PRR16: variants seen among roughly 807,000 people sequenced by gnomAD.
PRR16 encodes the protein protein Largen.
PRR16 carries 6 observed loss-of-function variants against 18.2 expected under a neutral mutation model. The ratio of observed to expected loss-of-function variants is 0.33; its 90% confidence interval spans 0.18 to 0.65. The LOEUF (loss-of-function observed/expected upper bound fraction) is 0.65, where lower values mean the gene tolerates loss of function less well. PRR16 is among the 30% of genes least tolerant of loss of function. The pLI is 0.74. For synonymous variants in PRR16, 151 were observed against 147.8 expected (o/e 1.02, Z -0.16); for missense variants, 412 against 376.6 (o/e 1.09, Z -0.78).
intron 1 of PRR16, among the ~76,000 whole-genome samples, chr5:120,668,075 T>C (rs376935193): frequency 3.3e-5 from 5 of 152,132 alleles, no homozygotes; most frequent in African/African-American, 1.2e-4. Context: ...CCCACTATTA[T>C]TGTGTGGGAG....
At chr5:120,756,248 G>T in the PRR16 span, among the ~76,000 whole-genome samples, 1 of 152,094 alleles carries the variant, frequency 6.6e-6, no homozygotes, top group Non-Finnish European at 1.5e-5. Flanking sequence ...GTGGGGAGGG[G>T]CTTGCAAAGG....
intron 1 of PRR16, among the ~76,000 whole-genome samples, chr5:120,495,339 T>C (rs1750208064): frequency 6.6e-6 from 1 of 152,122 alleles, no homozygotes; most frequent in Admixed American, 6.5e-5. Flanking sequence ...AGTCTCTTGG[T>C]ATCCATGGAG....
chr5:120,604,994 G>A (rs1001168818), intron 1 of PRR16, among the ~76,000 whole-genome samples: 4 of 152,148 alleles, frequency 2.6e-5, no homozygotes, highest in African/African-American at 9.6e-5. Context: ...CATTGACCTT[G>A]GACAATCTGA....
At chr5:120,733,005 C>A in the PRR16 span, among the ~76,000 whole-genome samples, 1 of 152,072 alleles carries the variant, frequency 6.6e-6, no homozygotes, top group Non-Finnish European at 1.5e-5. Context: ...CTGTTGGAAC[C>A]TGACAAAATG....
At chr5:120,512,418 T>C (rs1277514295) in intron 1 of PRR16, among the ~76,000 whole-genome samples, 1 of 152,090 alleles carries the variant, frequency 6.6e-6, no homozygotes, top group Admixed American at 6.6e-5. Context: ...GCTCTGAGAC[T>C]CTTGCTCTGA....
chr5:120,771,588 A>C, the PRR16 span, among the ~76,000 whole-genome samples: 1 of 152,046 alleles, frequency 6.6e-6, no homozygotes, highest in Non-Finnish European at 1.5e-5. Flanking sequence ...AAACCATAAT[A>C]AAGTCATTTT....
At chr5:120,472,179 A>G (rs1749290915) in intron 1 of PRR16, among the ~76,000 whole-genome samples, 1 of 152,160 alleles carries the variant, frequency 6.6e-6, no homozygotes, top group South Asian at 2.1e-4. Flanking sequence ...TGTTTGGGAC[A>G]CTATAAATAG....
At position 120,659,306 on chromosome 5, in the gene PRR16, C is replaced by CT. The variant is rs1360814522; in HGVS notation, c.160-26647dup. Among the ~76,000 whole-genome samples, 10 of 151,870 alleles carry CT rather than the reference C, an allele frequency of 6.6e-5. 1 individual carries two copies. Among genetic ancestry groups the CT allele is most frequent in the Admixed American group, 3.9e-4 (6 of 15,206 alleles). ...AAGAAGCATTCAAGATATCTGTAGT[C>CT]TGTGTTTTCTTGGTTCCTTGAGAGT... On this transcript the variant is annotated intron_variant, in intron 1 of 1. Coordinates refer to ENST00000407149, the MANE Select transcript of PRR16 (RefSeq NM_001300783.2).
chr5:120,556,319 T>G (rs933281885), intron 1 of PRR16, among the ~76,000 whole-genome samples: 1 of 150,448 alleles, frequency 6.6e-6, no homozygotes, highest in African/African-American at 2.4e-5. Context: ...GAGGTCTGTA[T>G]AATCTGTAAT....
At chr5:120,641,339 G>C (rs934571085) in intron 1 of PRR16, among the ~76,000 whole-genome samples, 1 of 152,112 alleles carries the variant, frequency 6.6e-6, no homozygotes, top group Non-Finnish European at 1.5e-5. Context: ...GAGGGAGGCA[G>C]ACAGACCAAT....
chr5:120,506,674 C>T (rs1044142280), intron 1 of PRR16, among the ~76,000 whole-genome samples: 1 of 152,094 alleles, frequency 6.6e-6, no homozygotes, highest in African/African-American at 2.4e-5. Context: ...CAGGCATCTT[C>T]TATCTTTCTA....
intron 1 of PRR16, among the ~76,000 whole-genome samples, chr5:120,622,614 G>C (rs1187870203): frequency 6.6e-6 from 1 of 152,052 alleles, no homozygotes; most frequent in African/African-American, 2.4e-5. Flanking sequence ...GAATAGCTGG[G>C]ACTACAGGCA....
chr5:120,485,013 T>A (rs2655066), intron 1 of PRR16, among the ~76,000 whole-genome samples: 107,061 of 151,662 alleles, frequency 0.71, 38,827 homozygotes, highest in East Asian at 0.94. Flanking sequence ...TAGATAAGGT[T>A]TTTCTTTCCT....
intron 1 of PRR16, among the ~76,000 whole-genome samples, chr5:120,612,589 A>G (rs931323187): frequency 2.0e-5 from 3 of 152,060 alleles, no homozygotes; most frequent in Non-Finnish European, 4.4e-5. Flanking sequence ...TCTTGCCACC[A>G]CCATGTAAGA....
At chr5:120,780,981 C>T in the PRR16 span, among the ~76,000 whole-genome samples, 6 of 152,222 alleles carry the variant, frequency 3.9e-5, no homozygotes, top group Middle Eastern at 3.4e-3. Context: ...ACTTGGGAGG[C>T]GGAAGTTGCA....
chr5:120,741,679 G>A, the PRR16 span, among the ~76,000 whole-genome samples: 2 of 152,094 alleles, frequency 1.3e-5, no homozygotes, highest in African/African-American at 4.8e-5. Flanking sequence ...ACGGCTCACT[G>A]CAGCCTCCGC....
At chr5:120,554,856 A>G (rs1478715371) in intron 1 of PRR16, among the ~76,000 whole-genome samples, 1 of 151,940 alleles carries the variant, frequency 6.6e-6, no homozygotes, top group Non-Finnish European at 1.5e-5. Flanking sequence ...CTTGAACACA[A>G]GAAAGATACC....
intron 1 of PRR16, among the ~76,000 whole-genome samples, chr5:120,601,473 G>T (rs760464752): frequency 5.9e-5 from 9 of 151,866 alleles, no homozygotes; most frequent in Non-Finnish European, 8.8e-5. Context: ...TTAGACCTTT[G>T]TCAGATGCAT....
intron 1 of PRR16, among the ~76,000 whole-genome samples, chr5:120,557,864 T>C (rs1752464459): frequency 6.6e-6 from 1 of 151,896 alleles, no homozygotes; most frequent in Admixed American, 6.6e-5. Flanking sequence ...CTCATGCTAC[T>C]TGGAACCTCA....
Sources: allele counts gnomAD v4.1 joint callset (sites outside exome capture counted in the v4.1 genomes callset), GRCh38; gene constraint gnomAD v4.1.1; transcripts MANE v1.5; gene names NCBI Gene and HGNC (gene_info 2026-07-23, HGNC 2026-07-21).